Variants in CLVS1 observed in about 807,000 individuals in gnomAD.
CLVS1 encodes clavesin 1.
Under a neutral mutation model 33.1 loss-of-function variants are expected in CLVS1, and 10 were observed. The observed-to-expected ratio is 0.30, with a 90% CI of 0.19 to 0.51. The LOEUF is 0.51. Among genes scored for constraint, CLVS1 ranks in the 20% least tolerant of loss-of-function variants. The pLI, the probability that CLVS1 is intolerant of heterozygous loss-of-function variation, is 0.97. For synonymous variants in CLVS1, 163 were observed against 166.1 expected (o/e 0.98, Z 0.14); for missense variants, 343 against 433.4 (o/e 0.79, Z 1.85).
intron 1 of CLVS1, among the ~76,000 whole-genome samples, chr8:61,111,767 T>TA (rs34973057): frequency 0.19 from 29,410 of 151,976 alleles, 3,048 homozygotes; most frequent in Admixed American, 0.31. Flanking sequence ...TACCCTTCTT[T>TA]AAAAAAATTG....
chr8:61,098,568 G>A (rs1805394728), intron 1 of CLVS1, among the ~76,000 whole-genome samples: 1 of 152,076 alleles, frequency 6.6e-6, no homozygotes, highest in Non-Finnish European at 1.5e-5. Flanking sequence ...TTCATCCAAA[G>A]CTCAAAGTGC....
At chr8:60,969,499 C>T in the CLVS1 span, among the ~76,000 whole-genome samples, 1 of 152,068 alleles carries the variant, frequency 6.6e-6, no homozygotes, top group Non-Finnish European at 1.5e-5. Flanking sequence ...TAATGCTTGT[C>T]AGTGGTTGTG....
At chr8:61,209,212 G>A (rs1807922058) in intron 2 of CLVS1, among the ~76,000 whole-genome samples, 1 of 152,216 alleles carries the variant, frequency 6.6e-6, no homozygotes, top group African/African-American at 2.4e-5. Flanking sequence ...CTGAATCATG[G>A]ATGTGTAAGG....
the CLVS1 span, chr8:60,967,761 T>A: frequency 2.2e-6 from 1 of 451,126 alleles, no homozygotes; most frequent in Non-Finnish European, 4.4e-6. Flanking sequence ...ACCACCGGCA[T>A]CCCTTTTGCT....
chr8:61,440,243 T>G (rs1464723856), intron 3 of CLVS1, among the ~76,000 whole-genome samples: 2 of 152,210 alleles, frequency 1.3e-5, no homozygotes, highest in Admixed American at 1.3e-4. Context: ...AATATAATAA[T>G]AGAACCTCTA....
At chr8:61,438,004 G>A (rs564230296) in intron 3 of CLVS1, among the ~76,000 whole-genome samples, 1 of 152,234 alleles carries the variant, frequency 6.6e-6, no homozygotes, top group South Asian at 2.1e-4. Context: ...GTGTGAACTT[G>A]GACAAGTTTT....
chr8:61,029,270 C>G, the CLVS1 span, among the ~76,000 whole-genome samples: 1 of 152,154 alleles, frequency 6.6e-6, no homozygotes, highest in Non-Finnish European at 1.5e-5. Context: ...TTCCGGCAGC[C>G]GTGAGGTTCC....
At chr8:61,419,024 G>C (rs73682302) in intron 3 of CLVS1, among the ~76,000 whole-genome samples, 2,157 of 152,254 alleles carry the variant, frequency 0.014, 57 homozygotes, top group African/African-American at 0.05. Flanking sequence ...GGATGAGATG[G>C]GAGAGGTGTT....
At chr8:61,030,305 G>C in the CLVS1 span, among the ~76,000 whole-genome samples, 3 of 152,036 alleles carry the variant, frequency 2.0e-5, no homozygotes, top group African/African-American at 4.8e-5. Flanking sequence ...AGGTGGCAGC[G>C]GGGTGGGGGG....
rs559932026 is a variant in CLVS1 at position 61,298,839 on chromosome 8, AAT to A, written c.-151-835_-151-834del. Among the ~76,000 whole-genome samples the A allele has an allele frequency of 2.4e-4, 37 of 152,300 alleles. No homozygotes were observed. The South Asian group carries it at 7.3e-3, about 30-fold the overall frequency. On this transcript the variant is annotated intron_variant, in intron 1 of 5. Coordinates refer to ENST00000325897, the MANE Select transcript of CLVS1 (RefSeq NM_173519.3). ...TAAAGGATGTATCTGAGGGGATTAA[AAT>A]ATCATTATCATAAGTAAAACAGCAT... is the stretch of plus-strand genomic sequence containing the variant.
chr8:61,446,759 A>G (rs1161074263), intron 3 of CLVS1, among the ~76,000 whole-genome samples: 1 of 152,110 alleles, frequency 6.6e-6, no homozygotes, highest in Non-Finnish European at 1.5e-5. Flanking sequence ...GGGAGAAAAA[A>G]ACATTCAAAC....
chr8:61,117,922 G>T (rs1002712747), intron 1 of CLVS1, among the ~76,000 whole-genome samples: 6 of 152,132 alleles, frequency 3.9e-5, no homozygotes, highest in African/African-American at 1.4e-4. Context: ...TTTTTCTATT[G>T]ATTGGAATAG....
At chr8:61,372,023 A>G (rs542253581) in intron 2 of CLVS1, among the ~76,000 whole-genome samples, 1 of 152,328 alleles carries the variant, frequency 6.6e-6, no homozygotes, top group East Asian at 1.9e-4. Flanking sequence ...TGAACTTATA[A>G]TTAATTCAAA....
chr8:61,338,068 A>G (rs1284467111), intron 2 of CLVS1, among the ~76,000 whole-genome samples: 1 of 152,128 alleles, frequency 6.6e-6, no homozygotes, highest in East Asian at 1.9e-4. Context: ...AGTTTCAACA[A>G]TGTTCAGTCT....
intron 1 of CLVS1, among the ~76,000 whole-genome samples, chr8:61,063,784 A>G (rs903241636): frequency 1.3e-5 from 2 of 152,212 alleles, no homozygotes; most frequent in Non-Finnish European, 2.9e-5. Flanking sequence ...CAGTGGCATT[A>G]GTTCTATTTA....
chr8:61,275,604 G>C (rs780408705), intron 2 of CLVS1, among the ~76,000 whole-genome samples: 6 of 152,192 alleles, frequency 3.9e-5, no homozygotes, highest in Non-Finnish European at 8.8e-5. Flanking sequence ...AGTTCGAAAG[G>C]TTGAAGAATT....
At chr8:61,028,210 G>C in the CLVS1 span, among the ~76,000 whole-genome samples, 1 of 152,142 alleles carries the variant, frequency 6.6e-6, no homozygotes, top group Admixed American at 6.5e-5. Context: ...AGGGGATGTC[G>C]GGAGGAATCT....
At chr8:61,161,620 G>A (rs1170790574) in intron 2 of CLVS1, among the ~76,000 whole-genome samples, 1 of 152,190 alleles carries the variant, frequency 6.6e-6, no homozygotes, top group Non-Finnish European at 1.5e-5. Flanking sequence ...AAGCAGAGAG[G>A]AGAATGGTAT....
intron 1 of CLVS1, among the ~76,000 whole-genome samples, chr8:61,099,137 A>C (rs891370526): frequency 1.1e-4 from 17 of 152,090 alleles, no homozygotes; most frequent in African/African-American, 4.1e-4. Context: ...TCTGTCTTTT[A>C]AGTTTGACAA....
Sources: allele counts gnomAD v4.1 joint callset (sites outside exome capture counted in the v4.1 genomes callset), GRCh38; gene constraint gnomAD v4.1.1; transcripts MANE v1.5; gene names NCBI Gene and HGNC (gene_info 2026-07-23, HGNC 2026-07-21).